Variants in ZNF577 observed in about 807,000 individuals in gnomAD.
ZNF577 encodes the protein zinc finger protein 577.
ZNF577 carries 14 observed loss-of-function variants against 13.9 expected under a neutral mutation model. The observed-to-expected ratio is 1.00, with a 90% confidence interval of 0.66 to 1.57. The LOEUF is 1.57. Among genes scored for constraint, ZNF577 ranks in the 40% most tolerant of loss-of-function variants. The pLI, the probability that ZNF577 is intolerant of heterozygous loss-of-function variation, is 0.00. For missense variants in ZNF577, 555 were observed against 579.2 expected (o/e 0.96, Z 0.43); for synonymous variants, 203 against 202.9 (o/e 1.00, Z 0.00).
intron 8 of ZNF577, among the ~76,000 whole-genome samples, chr19:51,842,290 C>A (rs2084325558): frequency 6.6e-6 from 1 of 152,148 alleles, no homozygotes; most frequent in Admixed American, 6.5e-5. Context: ...AACTCATCTG[C>A]TAGAAAGTTA....
chr19:51,880,821 C>CTTCTTCCATT lies in ZNF577; in HGVS notation c.-163_-162insAATGGAAGAA, dbSNP rs879744779. 0.084 allele frequency: 13,538 copies of CTTCTTCCATT among 160,498 alleles called. 676 individuals are homozygous for CTTCTTCCATT. Among genetic ancestry groups the CTTCTTCCATT allele is most frequent in the East Asian group, 0.21 (1,102 of 5,354 alleles). The allele number at this position is 160,498 out of a possible 1,614,324, so 9.9% of individuals were successfully genotyped here. On this transcript the variant is annotated 5_prime_UTR_variant, in exon 2 of 6. The change creates a new upstream start codon in the 5' untranslated region. Transcript: ENST00000638348. ...TACCACTGGAAATGATGATCTTCCC[C>CTTCTTCCATT]AGCCTGGAAGCTCCTTCTTCCATTA...
rs1599842974 is a variant in ZNF577, at chr19:51,824,917, A to T, written c.*600-13243T>A. 1.2e-6 allele frequency: 1 copy of T among 867,766 alleles called. No homozygotes were observed. Among genetic ancestry groups the T allele is most frequent in the East Asian group, 2.7e-5 (1 of 37,646 alleles). 53.8% of individuals were successfully genotyped at this position (867,766 alleles called of 1,614,324 possible). On this transcript the variant is annotated intron_variant and NMD_transcript_variant, in intron 9 of 10. Transcript: ENST00000638827. The surrounding 1 kb of genome is among the most constrained non-coding windows in gnomAD (Gnocchi z 4.7). ...CTTTCATACCACCACCACCACAATCATCAACATAAAGGAAGTCTGTACCAA... is the reference window on the plus strand; with the variant it reads ...CTTTCATACCACCACCACCACAATCTTCAACATAAAGGAAGTCTGTACCAA...
At chr19:51,806,595 C>A (rs1402900366) in intron 10 of ZNF577, among the ~76,000 whole-genome samples, 1 of 152,160 alleles carries the variant, frequency 6.6e-6, no homozygotes, top group East Asian at 1.9e-4. Context: ...ATGCCTTGTC[C>A]TCTAGGATTA....
chr19:51,865,293 C>T (rs547761588), downstream of ZNF577, among the ~76,000 whole-genome samples: 6 of 152,218 alleles, frequency 3.9e-5, no homozygotes, highest in African/African-American at 1.2e-4. Flanking sequence ...GACAGGGTTT[C>T]GCCATGTTGG....
intron 10 of ZNF577, among the ~76,000 whole-genome samples, chr19:51,807,250 A>C (rs1484930506): frequency 6.6e-6 from 1 of 152,140 alleles, no homozygotes; most frequent in Non-Finnish European, 1.5e-5. Context: ...AGCCTGATTC[A>C]CAGCAGGCTT....
chr19:51,860,895 AAT>A lies in ZNF577; in HGVS notation c.284-15966_284-15965del, dbSNP rs1470568153. The A allele has an allele frequency of 1.0e-5, 4 of 396,856 alleles. No individual in the cohort carries two copies. The Admixed American group carries it at 1.5e-4, about 15-fold the overall frequency. 24.6% of individuals were successfully genotyped at this position (396,856 alleles called of 1,614,324 possible). On this transcript the variant is annotated intron_variant and NMD_transcript_variant, in intron 5 of 10. Transcript: ENST00000638827. ...CAAAGAGTTTTGACTTTCAGATTTT[AAT>A]TTTTACCTGCAATGAGGTGTGATTC...
At chr19:51,875,070 A>C (rs535612847) in intron 5 of ZNF577, among the ~76,000 whole-genome samples, 28 of 152,166 alleles carry the variant, frequency 1.8e-4, no homozygotes, top group African/African-American at 6.5e-4. Flanking sequence ...AAGGAGATAA[A>C]AGTCAGAAAA....
rs568049291 is a variant in ZNF577, at chr19:51,870,612, G to C, written c.*1920C>G. ...TCTTCCTGTTCTTCCTCCAGCCTAGGGGGGGTTTCTCACATACATATGCTG... is the reference window on the plus strand; with the variant it reads ...TCTTCCTGTTCTTCCTCCAGCCTAGCGGGGGTTTCTCACATACATATGCTG... On this transcript the variant is annotated 3_prime_UTR_variant, in exon 6 of 6. Transcript: ENST00000638348. Among the ~76,000 whole-genome samples the C allele has an allele frequency of 1.6e-4, 23 of 147,508 alleles. No homozygotes were observed. Among genetic ancestry groups the C allele is most frequent in the Admixed American group, 3.4e-4 (5 of 14,796 alleles).
rs1411924975 is a variant in ZNF577, at chr19:51,870,727, G to A, written c.*1805C>T. ...CTCCAATAATCCAATTCATGAATTTGGGCCACCTTGAATTCCTCAAACCCT... is the reference window on the plus strand; with the variant it reads ...CTCCAATAATCCAATTCATGAATTTAGGCCACCTTGAATTCCTCAAACCCT... On this transcript the variant is annotated 3_prime_UTR_variant, in exon 6 of 6. Coordinates refer to ENST00000638348, the MANE Select transcript of ZNF577 (RefSeq NM_001370449.1). 6.6e-6 allele frequency among the ~76,000 whole-genome samples: 1 copy of A among 152,048 alleles called. No homozygotes were observed. Among genetic ancestry groups the A allele is most frequent in the Non-Finnish European group, 1.5e-5 (1 of 68,032 alleles).
chr19:51,857,365 G>GGAAGGAAGGAAAGAAAGAAAGAAA (rs1338621079), intron 5 of ZNF577, among the ~76,000 whole-genome samples: 1 of 93,296 alleles, frequency 1.1e-5, no homozygotes, highest in African/African-American at 4.8e-5. Context: ...AAAGAAGGAA[G>GGAAGGAAGGAAAGAAAGAAAGAAA]GAAAGAAAGA....
chr19:51,823,393 T>G (rs190335649), intron 9 of ZNF577, among the ~76,000 whole-genome samples: 174 of 152,294 alleles, frequency 1.1e-3, no homozygotes, highest in Admixed American at 5.8e-3. Flanking sequence ...ATGTGAACCT[T>G]CTGACTCTGA....
Position 51,807,896 on chromosome 19 carries a change from A to C in ZNF577, c.*818-2642T>G, listed in dbSNP as rs148855024. On this transcript the variant is annotated intron_variant and NMD_transcript_variant, in intron 10 of 10. Transcript: ENST00000638827. ...GCCTGCCCATAGTCACAATTTGTGTAATTAAAGAAAGATAAACTTGCAAGG... is the reference window on the plus strand; with the variant it reads ...GCCTGCCCATAGTCACAATTTGTGTCATTAAAGAAAGATAAACTTGCAAGG... Among the ~76,000 whole-genome samples, 601 of 152,364 alleles carry C rather than the reference A, an allele frequency of 3.9e-3. 4 individuals carry two copies. Among genetic ancestry groups the C allele is most frequent in the Middle Eastern group, 0.014 (4 of 294 alleles).
intron 5 of ZNF577, among the ~76,000 whole-genome samples, chr19:51,875,937 A>G (rs2084754917): frequency 6.6e-6 from 1 of 152,242 alleles, no homozygotes; most frequent in Non-Finnish European, 1.5e-5. Context: ...TCAGACGTAG[A>G]ACAGAGTAAA....
In ZNF577 at chr19:51,867,889, G is replaced by C. The variant is rs1387980877; in HGVS notation, c.*4643C>G. Reference sequence around the variant, plus strand: ...AATCAGCACCAATGAGGAATTTCTAGTCCTCTACCCCCACCCCTAAATACA... The same window carrying C: ...AATCAGCACCAATGAGGAATTTCTACTCCTCTACCCCCACCCCTAAATACA... On this transcript the variant is annotated 3_prime_UTR_variant, in exon 6 of 6. Transcript: ENST00000638348. Among the ~76,000 whole-genome samples, 1 of 152,136 alleles carries C rather than the reference G, an allele frequency of 6.6e-6. No individual in the cohort carries two copies. The highest frequency in any genetic ancestry group is 1.9e-4 in the East Asian group (1 of 5,194).
intron 5 of ZNF577, among the ~76,000 whole-genome samples, chr19:51,849,307 T>C (rs1212953469): frequency 6.6e-6 from 1 of 152,214 alleles, no homozygotes; most frequent in Non-Finnish European, 1.5e-5. Context: ...GGATGAAGAT[T>C]TGCTCTTCAG....
chr19:51,833,111 G>A (rs1472317775), intron 9 of ZNF577, among the ~76,000 whole-genome samples: 1 of 152,136 alleles, frequency 6.6e-6, no homozygotes, highest in Non-Finnish European at 1.5e-5. Context: ...TCTGTCTGCA[G>A]TACTCTCTTA....
rs1228483190 is a variant in ZNF577, at chr19:51,824,191, G to C, written c.*600-12517C>G. On this transcript the variant is annotated intron_variant and NMD_transcript_variant, in intron 9 of 10. Coordinates refer to the ZNF577 transcript ENST00000638827. This position sits in a 1 kb window ranked among gnomAD's most constrained non-coding sequence, Gnocchi z 4.7. ...AGTCTGGCCAAGAGGGTGATGACGG[G>C]ACTCTGGATTTTCACCATAGTCCTT... The C allele has an allele frequency of 1.2e-6, 2 of 1,614,154 alleles. No homozygotes were observed. Among genetic ancestry groups the C allele is most frequent in the East Asian group, 4.5e-5 (2 of 44,864 alleles).
intron 9 of ZNF577, among the ~76,000 whole-genome samples, chr19:51,823,062 C>T (rs1451095677): frequency 6.6e-6 from 1 of 152,008 alleles, no homozygotes; most frequent in African/African-American, 2.4e-5. Flanking sequence ...GGAGTTTCAC[C>T]ATGTTGGCCA....
At position 51,872,797 on chromosome 19, in the gene ZNF577, A is replaced by G; in HGVS notation, c.1193T>C (p.Leu398Ser). Residue 398 changes from leucine to serine, a missense_variant, in exon 6 of 6, where the codon TTA (leucine) becomes TCA (serine). Transcript: ENST00000638348. The stretch of plus-strand genomic sequence containing the variant: ...CTCTTGTATGAGTTCGCTCATGTAT[A>G]AGGAGGTATGACTCCTTGAGGAAGG... ...EKPSSRSHTSLYMSELIQEQK... is the reference protein window; with the variant it reads ...EKPSSRSHTSSYMSELIQEQK... 1 of 1,614,170 alleles carries G rather than the reference A, an allele frequency of 6.2e-7. No homozygotes were observed. The highest frequency in any genetic ancestry group is 8.5e-7 in the Non-Finnish European group (1 of 1,180,024).
Sources: allele counts gnomAD v4.1 joint callset (sites outside exome capture counted in the v4.1 genomes callset), GRCh38; gene constraint gnomAD v4.1.1; non-coding constraint Gnocchi (gnomAD v3.1); transcripts MANE v1.5; gene names NCBI Gene and HGNC (gene_info 2026-07-23, HGNC 2026-07-21).